The following GSG1L variants were observed in gnomAD, a reference collection of about 807,000 sequenced individuals.
GSG1L encodes GSG1 like.
Under a neutral mutation model 42.1 loss-of-function variants are expected in GSG1L, and 24 were observed. The observed-to-expected ratio is 0.57, with a 90% CI of 0.41 to 0.80. The LOEUF is 0.80. Among genes scored for constraint, GSG1L ranks in the 30% least tolerant of loss-of-function variants. The probability of loss-of-function intolerance (pLI) is 0.00; values close to 1 mark genes in which losing one functional copy is unlikely to be tolerated. For missense variants in GSG1L, 445 were observed against 472.2 expected, an observed-to-expected ratio of 0.94 and a Z score of 0.53; for synonymous variants, 215 against 203.5, an observed-to-expected ratio of 1.06 and a Z score of -0.48.
intron 6 of GSG1L, among the ~76,000 whole-genome samples, chr16:27,794,978 C>T (rs1239561703): frequency 6.6e-6 from 1 of 152,072 alleles, no homozygotes; most frequent in Non-Finnish European, 1.5e-5. Context: ...GGCTTTGCTC[C>T]TTTCCCTGTG....
At chr16:27,997,641 C>T (rs1382874642) in intron 1 of GSG1L, among the ~76,000 whole-genome samples, 1 of 151,882 alleles carries the variant, frequency 6.6e-6, no homozygotes, top group Non-Finnish European at 1.5e-5. Flanking sequence ...GTGATGTGGA[C>T]ATCTTTGCTT....
At chr16:27,935,636 G>A (rs1347906752) in intron 2 of GSG1L, among the ~76,000 whole-genome samples, 5 of 151,792 alleles carry the variant, frequency 3.3e-5, no homozygotes, top group Non-Finnish European at 7.4e-5. Flanking sequence ...ATCAGATCGT[G>A]CCACCTGTGA....
chr16:27,830,953 T>C lies in GSG1L; in HGVS notation c.663-1997A>G, dbSNP rs113158559. Among the ~76,000 whole-genome samples, 49 of 152,390 alleles carry C rather than the reference T, an allele frequency of 3.2e-4. 1 individual carries two copies. The highest frequency in any genetic ancestry group is 1.2e-3 in the African/African-American group (48 of 41,598). On this transcript the variant is annotated intron_variant, in intron 4 of 6. Coordinates refer to ENST00000447459, the MANE Select transcript of GSG1L (RefSeq NM_001109763.2). ...CTGTTAAGGGATCACTCCCTTCTTC[T>C]CAGGCCATTTGTTTTGTGTGGGGCT...
At chr16:27,865,587 A>T (rs1386194901) in intron 3 of GSG1L, among the ~76,000 whole-genome samples, 1 of 132,720 alleles carries the variant, frequency 7.5e-6, no homozygotes, top group African/African-American at 2.7e-5. Flanking sequence ...ACACACATAC[A>T]TACATACACA....
At chr16:28,002,307 C>T (rs766404342) in intron 1 of GSG1L, among the ~76,000 whole-genome samples, 1 of 152,170 alleles carries the variant, frequency 6.6e-6, no homozygotes, top group Non-Finnish European at 1.5e-5. Flanking sequence ...AACCTGATGA[C>T]GACAAGCTGG....
chr16:27,954,543 G>A (rs1019878349), intron 2 of GSG1L, among the ~76,000 whole-genome samples: 1 of 152,200 alleles, frequency 6.6e-6, no homozygotes, highest in Non-Finnish European at 1.5e-5. Flanking sequence ...GCTGATGGCT[G>A]AGTTTATTAA....
chr16:27,892,943 A>G (rs1019861725), intron 2 of GSG1L, among the ~76,000 whole-genome samples: 1 of 152,152 alleles, frequency 6.6e-6, no homozygotes, highest in African/African-American at 2.4e-5. Flanking sequence ...ATGAACACTC[A>G]CTTTTCTTCT....
At chr16:27,843,077 A>G (rs1373175777) in intron 4 of GSG1L, among the ~76,000 whole-genome samples, 1 of 152,200 alleles carries the variant, frequency 6.6e-6, no homozygotes, top group Non-Finnish European at 1.5e-5. Flanking sequence ...CTGTCTCAGC[A>G]CTGCTGCATC....
At chr16:27,939,944 G>T (rs187353112) in intron 2 of GSG1L, among the ~76,000 whole-genome samples, 2 of 152,308 alleles carry the variant, frequency 1.3e-5, no homozygotes, top group Non-Finnish European at 2.9e-5. Context: ...GCCTCCCAAA[G>T]TGCCGGGATT....
chr16:27,880,282 C>G (rs973373693), intron 3 of GSG1L, among the ~76,000 whole-genome samples: 1 of 152,222 alleles, frequency 6.6e-6, no homozygotes, highest in Non-Finnish European at 1.5e-5. Context: ...TATTGTGTCT[C>G]TCCTGTTTAT....
chr16:27,949,584 C>T (rs998799837), intron 2 of GSG1L, among the ~76,000 whole-genome samples: 1 of 152,064 alleles, frequency 6.6e-6, no homozygotes, highest in Admixed American at 6.6e-5. Flanking sequence ...TGCACCACCG[C>T]ACTCCAGCCT....
chr16:28,006,340 G>A (rs1029044562), intron 1 of GSG1L, among the ~76,000 whole-genome samples: 9 of 133,000 alleles, frequency 6.8e-5, no homozygotes, highest in Non-Finnish European at 1.5e-4. Flanking sequence ...ACAGAGTCTC[G>A]CTCTGTCACC....
Position 28,063,266 on chromosome 16 carries a change from G to C in GSG1L, c.159C>G (p.Pro53=). Residue 53 remains proline, a synonymous_variant, in exon 1 of 7, where the codon CCC becomes CCG. Coordinates refer to ENST00000447459, the MANE Select transcript of GSG1L (RefSeq NM_001109763.2). This position sits in a 1 kb window ranked among gnomAD's most constrained non-coding sequence, Gnocchi z 5.8. ...GCGQGGRANC[P]NSGANATANG... is the part of the protein sequence containing the mutation. ...TGGCCGTGGCGTTGGCGCCCGAGTTGGGGCAGTTGGCGCGCCCGCCCTGGC... is the reference window on the plus strand; with the variant it reads ...TGGCCGTGGCGTTGGCGCCCGAGTTCGGGCAGTTGGCGCGCCCGCCCTGGC... 1 of 1,358,516 alleles carries C rather than the reference G, an allele frequency of 7.4e-7. No individual in the cohort carries two copies. The highest frequency in any genetic ancestry group is 9.5e-7 in the Non-Finnish European group (1 of 1,047,362). 84.2% of individuals were successfully genotyped at this position (1,358,516 alleles called of 1,614,324 possible).
rs1164849240 is a variant in GSG1L at position 27,791,134 on chromosome 16, GCTGTCCCAAAGT to G, written c.*224_*235del. 3.5e-5 allele frequency: 13 copies of G among 372,986 alleles called. No homozygotes were observed. Among genetic ancestry groups the G allele is most frequent in the Non-Finnish European group, 5.7e-5 (12 of 209,968 alleles). 23.1% of individuals were successfully genotyped at this position (372,986 alleles called of 1,614,324 possible). A position where few individuals can be genotyped will look rare whatever the true frequency, so the allele number is the denominator to read the frequency against. On this transcript the variant is annotated 3_prime_UTR_variant, in exon 7 of 7. Coordinates refer to ENST00000447459, the MANE Select transcript of GSG1L (RefSeq NM_001109763.2). The stretch of plus-strand genomic sequence containing the variant: ...GTGATGATGGCAAGAGTCCGGGGCT[GCTGTCCCAAAGT>G]CACTCTGTGCAGCCCTGTGCATTCC...
chr16:27,821,972 A>G (rs867865497), intron 5 of GSG1L, among the ~76,000 whole-genome samples: 40 of 152,172 alleles, frequency 2.6e-4, no homozygotes, highest in Middle Eastern at 6.8e-3. Flanking sequence ...AACAAAACAC[A>G]TCTGCAGGCC....
chr16:27,987,637 C>G (rs1336018768), intron 1 of GSG1L, among the ~76,000 whole-genome samples: 1 of 152,138 alleles, frequency 6.6e-6, no homozygotes, highest in Admixed American at 6.6e-5. Context: ...CCCAGAGTGA[C>G]TGGGGAAGAC....
intron 2 of GSG1L, among the ~76,000 whole-genome samples, chr16:27,909,051 C>T (rs1259642790): frequency 6.6e-6 from 1 of 152,168 alleles, no homozygotes; most frequent in East Asian, 1.9e-4. Flanking sequence ...CATCATTTAA[C>T]ATTTCTAAAC....
At chr16:27,849,725 G>T (rs990102246) in intron 3 of GSG1L, among the ~76,000 whole-genome samples, 1 of 151,980 alleles carries the variant, frequency 6.6e-6, no homozygotes, top group Non-Finnish European at 1.5e-5. Context: ...TTTAGAGATG[G>T]AGTCTCCCTG....
At chr16:27,801,135 C>T (rs954681634) in intron 6 of GSG1L, among the ~76,000 whole-genome samples, 6 of 152,070 alleles carry the variant, frequency 3.9e-5, no homozygotes, top group African/African-American at 7.2e-5. Context: ...ATGAGTTTTG[C>T]GTGTTCAAGA....
Sources: gnomAD v4.1 joint callset for allele counts (sites outside exome capture counted in the v4.1 genomes callset) on GRCh38, gnomAD v4.1.1 for gene constraint, Gnocchi (gnomAD v3.1) non-coding constraint, MANE v1.5 for transcripts, NCBI Gene and HGNC (gene_info 2026-07-23, HGNC 2026-07-21) for gene names.